The following PLXNA4 variants were observed in gnomAD, a reference collection of about 807,000 sequenced individuals.
PLXNA4 encodes plexin-A4.
PLXNA4 carries 44 observed loss-of-function variants against 191.8 expected under a neutral mutation model. The ratio of observed to expected loss-of-function variants is 0.23; its 90% CI spans 0.18 to 0.29. The LOEUF is 0.29. Ranked by LOEUF, PLXNA4 falls within the 10% of genes least tolerant of loss-of-function variation. The pLI, the probability that PLXNA4 is intolerant of heterozygous loss-of-function variation, is 1.00. For synonymous variants in PLXNA4, 1,082 were observed against 1,009.5 expected (o/e 1.07, Z -1.36); for missense variants, 1,800 against 2,488.8 (o/e 0.72, Z 5.89).
chr7:132,439,622 C>T (rs1795612595), intron 3 of PLXNA4, among the ~76,000 whole-genome samples: 1 of 152,122 alleles, frequency 6.6e-6, no homozygotes, highest in Non-Finnish European at 1.5e-5. Flanking sequence ...TTCTGCTGCT[C>T]AAATAGCTTT....
At chr7:132,533,023 A>G (rs1799685861) in intron 1 of PLXNA4, among the ~76,000 whole-genome samples, 1 of 152,160 alleles carries the variant, frequency 6.6e-6, no homozygotes. Context: ...CACCACCACA[A>G]ATCCCTCCTA....
chr7:132,637,843 C>A (rs1366551592), intron 2 of PLXNA4, among the ~76,000 whole-genome samples: 1 of 152,204 alleles, frequency 6.6e-6, no homozygotes, highest in Non-Finnish European at 1.5e-5. Flanking sequence ...CACTCCCTGC[C>A]CAGGTCCTGA....
chr7:132,638,074 G>T (rs953658593), intron 2 of PLXNA4, among the ~76,000 whole-genome samples: 4 of 152,220 alleles, frequency 2.6e-5, no homozygotes, highest in Non-Finnish European at 5.9e-5. Context: ...GGCCCAGGCT[G>T]AAGCCTGGGC....
At chr7:132,194,033 C>G in intron 14 of PLXNA4, 29 bp downstream of exon 14, 1 of 1,602,192 alleles carries the variant, frequency 6.2e-7, no homozygotes, top group East Asian at 2.2e-5. Flanking sequence ...GGCCTGCACC[C>G]AGCCAGATCA....
At chr7:132,526,016 G>A (rs923585136) in intron 1 of PLXNA4, among the ~76,000 whole-genome samples, 1 of 152,200 alleles carries the variant, frequency 6.6e-6, no homozygotes, top group Non-Finnish European at 1.5e-5. Context: ...CTTGGGAAAT[G>A]CTGGCATGTT....
chr7:132,312,224 C>G (rs1801774039), intron 3 of PLXNA4, among the ~76,000 whole-genome samples: 1 of 152,180 alleles, frequency 6.6e-6, no homozygotes, highest in East Asian at 1.9e-4. Context: ...GAGTTAGTTG[C>G]AGAGAAATCC....
chr7:132,310,817 G>A (rs1032604468), intron 3 of PLXNA4, among the ~76,000 whole-genome samples: 3 of 152,192 alleles, frequency 2.0e-5, no homozygotes, highest in African/African-American at 7.2e-5. Flanking sequence ...ACTTTCAAGG[G>A]GCACTGAGGC....
chr7:132,416,777 G>GTAAATACT lies in PLXNA4; in HGVS notation c.1371+72507_1371+72514dup, dbSNP rs553768445. On this transcript the variant is annotated intron_variant, in intron 3 of 31. Coordinates refer to ENST00000321063, the MANE Select transcript of PLXNA4 (RefSeq NM_020911.2). ...AGGACTGTCTTCCTATTCAGTCTCA[G>GTAAATACT]TAAATACTTCTTGAATAAACCAATG... Among the ~76,000 whole-genome samples, 1,307 of 152,286 alleles carry GTAAATACT rather than the reference G, an allele frequency of 8.6e-3. 19 individuals are homozygous for GTAAATACT. The highest frequency in any genetic ancestry group is 0.029 in the African/African-American group (1,220 of 41,552).
Position 132,127,864 on chromosome 7 carries a change from A to T in PLXNA4, c.*2615T>A, listed in dbSNP as rs1794814123. The T allele has an allele frequency of 6.9e-6, 1 of 145,588 alleles. No individual in the cohort carries two copies. The highest frequency in any genetic ancestry group is 7.0e-5 in the Admixed American group (1 of 14,198). 9.0% of individuals were successfully genotyped at this position (145,588 alleles called of 1,614,324 possible). A position where few individuals can be genotyped will look rare whatever the true frequency, so the allele number is the denominator to read the frequency against. ...ATAACAAAAACATGGAATAAAATAA[A>T]GTCCTGTACCGCCAAAGTAACAATA... On this transcript the variant is annotated 3_prime_UTR_variant, in exon 32 of 32. Transcript: ENST00000321063.
At chr7:132,321,825 T>A (rs766939025) in intron 3 of PLXNA4, among the ~76,000 whole-genome samples, 2 of 152,002 alleles carry the variant, frequency 1.3e-5, no homozygotes, top group Non-Finnish European at 2.9e-5. Context: ...GTGGCCACCC[T>A]CCCAGGAGAG....
At chr7:132,460,797 G>C (rs1375772927) in intron 3 of PLXNA4, among the ~76,000 whole-genome samples, 2 of 152,056 alleles carry the variant, frequency 1.3e-5, no homozygotes, top group African/African-American at 4.8e-5. Flanking sequence ...CAAAAGCAGA[G>C]GGGGGATGGG....
Position 132,219,127 on chromosome 7 carries a change from T to C in PLXNA4, c.2097+4400A>G, listed in dbSNP as rs1459604229. Among the ~76,000 whole-genome samples the C allele has an allele frequency of 4.6e-5, 7 of 152,308 alleles. No homozygotes were observed. The East Asian group carries it at 1.3e-3, about 29-fold the overall frequency. On this transcript the variant is annotated intron_variant, in intron 9 of 31. Coordinates refer to ENST00000321063, the MANE Select transcript of PLXNA4 (RefSeq NM_020911.2). ...TGTTAGCTAACAAAAGGACACTGTC[T>C]GCATCCCCTCACTCAAAGGGTAAAA...
At chr7:132,311,033 G>C (rs1184456732) in intron 3 of PLXNA4, among the ~76,000 whole-genome samples, 1 of 152,174 alleles carries the variant, frequency 6.6e-6, no homozygotes, top group Non-Finnish European at 1.5e-5. Context: ...AAATGATGGA[G>C]TTTCATTTTG....
chr7:132,483,203 G>A (rs1227982051), intron 3 of PLXNA4, among the ~76,000 whole-genome samples: 1 of 152,156 alleles, frequency 6.6e-6, no homozygotes, highest in African/African-American at 2.4e-5. Flanking sequence ...TTCCCCATCA[G>A]AGTGGCTGAG....
chr7:132,236,844 G>A (rs1798718791), intron 5 of PLXNA4, among the ~76,000 whole-genome samples: 1 of 152,114 alleles, frequency 6.6e-6, no homozygotes, highest in African/African-American at 2.4e-5. Context: ...CTCCTGTACT[G>A]AACTGCCAGC....
intron 2 of PLXNA4, among the ~76,000 whole-genome samples, chr7:132,588,251 A>G (rs956825086): frequency 6.6e-6 from 1 of 152,102 alleles, no homozygotes; most frequent in Non-Finnish European, 1.5e-5. Flanking sequence ...TCTGCAAACT[A>G]AAAATAATTA....
intron 2 of PLXNA4, among the ~76,000 whole-genome samples, chr7:132,641,100 C>T (rs917522142): frequency 1.8e-4 from 27 of 152,170 alleles, no homozygotes; most frequent in African/African-American, 5.6e-4. Context: ...ATCATACAAA[C>T]GGATGTTGAT....
chr7:132,487,013 C>T (rs1216152883), intron 3 of PLXNA4, among the ~76,000 whole-genome samples: 2 of 152,246 alleles, frequency 1.3e-5, no homozygotes, highest in African/African-American at 4.8e-5. Context: ...TGCCTCAACC[C>T]ACCCTTGGAC....
rs184462393 is a variant in PLXNA4 at position 132,332,776 on chromosome 7, T to C, written c.1372-34554A>G. Among the ~76,000 whole-genome samples, 294 of 151,874 alleles carry C rather than the reference T, an allele frequency of 1.9e-3. 2 individuals carry two copies. Among genetic ancestry groups the C allele is most frequent in the African/African-American group, 6.7e-3 (279 of 41,390 alleles). ...TCAGGAGGCTGCAGTAGAAGGATCA[T>C]TTGAGCCCAGGAGTTGGAGGCTGCA... On this transcript the variant is annotated intron_variant, in intron 3 of 31. Coordinates refer to ENST00000321063, the MANE Select transcript of PLXNA4 (RefSeq NM_020911.2).
Sources: gnomAD v4.1 joint callset for allele counts (sites outside exome capture counted in the v4.1 genomes callset) on GRCh38, gnomAD v4.1.1 for gene constraint, MANE v1.5 for transcripts, NCBI Gene and HGNC (gene_info 2026-07-23, HGNC 2026-07-21) for gene names.